The following ZNF366 variants were observed in gnomAD, a reference collection of about 807,000 sequenced individuals.
ZNF366 encodes zinc finger protein 366.
In ZNF366, 20 loss-of-function variants were observed where a neutral mutation model predicts 47.2. The observed-to-expected ratio is 0.42, with a 90% CI of 0.30 to 0.62. The LOEUF is 0.62. Among genes scored for constraint, ZNF366 ranks in the 20% least tolerant of loss-of-function variants. The pLI is 0.16. For missense variants in ZNF366, 987 were observed against 976.3 expected, an observed-to-expected ratio of 1.01 and a Z score of -0.15; for synonymous variants, 421 against 395.1, an observed-to-expected ratio of 1.07 and a Z score of -0.78.
intron 1 of ZNF366, among the ~76,000 whole-genome samples, chr5:72,464,232 T>G (rs1743388107): frequency 6.6e-6 from 1 of 152,216 alleles, no homozygotes; most frequent in African/African-American, 2.4e-5. Context: ...ATTAAGAAGT[T>G]ACTTCTTCTT....
intron 1 of ZNF366, among the ~76,000 whole-genome samples, chr5:72,495,197 A>C (rs1744088093): frequency 6.6e-6 from 1 of 152,138 alleles, no homozygotes; most frequent in African/African-American, 2.4e-5. Flanking sequence ...GTTAACTTAC[A>C]CGCCTTTCTT....
chr5:72,497,166 G>A (rs559967219), intron 1 of ZNF366, among the ~76,000 whole-genome samples: 1 of 152,112 alleles, frequency 6.6e-6, no homozygotes, highest in Non-Finnish European at 1.5e-5. Flanking sequence ...ATTTATTAAT[G>A]TTTTCATGTA....
intron 1 of ZNF366, among the ~76,000 whole-genome samples, chr5:72,495,686 C>T (rs565734956): frequency 1.3e-5 from 2 of 152,298 alleles, no homozygotes; most frequent in East Asian, 1.9e-4. Context: ...GAGAGATGCT[C>T]ATCCTTAAAG....
At position 72,460,502 on chromosome 5, in the gene ZNF366, C is replaced by T. The variant is rs746805469; in HGVS notation, c.995G>A (p.Ser332Asn). The T allele has an allele frequency of 5.0e-6, 8 of 1,613,898 alleles. No individual in the cohort carries two copies. Among genetic ancestry groups the T allele is most frequent in the Non-Finnish European group, 6.8e-6 (8 of 1,179,994 alleles). Reference sequence around the variant, plus strand: ...GCGGCAGTTGTGCGGCTTCACCTCGCTGTGCTGCATCATGTGGCGCTTCAG... The same window carrying T: ...GCGGCAGTTGTGCGGCTTCACCTCGTTGTGCTGCATCATGTGGCGCTTCAG... ...SHLKRHMMQHSEVKPHNCRVC... is the reference protein window; with the variant it reads ...SHLKRHMMQHNEVKPHNCRVC... Residue 332 changes from serine (S) to asparagine (N), a missense_variant, in exon 2 of 5, where the codon AGC becomes AAC. By Grantham distance (46) the Ser-to-Asn change is conservative (BLOSUM62 1). Coordinates refer to ENST00000318442, the MANE Select transcript of ZNF366 (RefSeq NM_152625.3).
intron 1 of ZNF366, chr5:72,493,542 AAAATGTTCT>A (rs1302410774): frequency 6.6e-6 from 1 of 152,218 alleles, no homozygotes; most frequent in Non-Finnish European, 1.5e-5. Flanking sequence ...TTGAAGAATA[AAAATGTTCT>A]TTGCTGTCAG....
At chr5:72,486,721 G>A (rs1743898351) in intron 1 of ZNF366, among the ~76,000 whole-genome samples, 1 of 152,074 alleles carries the variant, frequency 6.6e-6, no homozygotes, top group African/African-American at 2.4e-5. Flanking sequence ...CCAAGCCAAT[G>A]CTGTAATGGT....
intron 1 of ZNF366, among the ~76,000 whole-genome samples, chr5:72,473,706 C>T (rs962160346): frequency 1.3e-5 from 2 of 152,194 alleles, no homozygotes; most frequent in African/African-American, 4.8e-5. Context: ...TGTTTCAAAT[C>T]CTATGACATT....
rs186183926 is a variant in ZNF366 at position 72,442,303 on chromosome 5, G to A, written c.*1453C>T. ...CACAGAAATGGTGAGTTCTATTTTA[G>A]TCCCCTCAATCTTCTCAATCTTGGC... On this transcript the variant is annotated 3_prime_UTR_variant, in exon 5 of 5. Coordinates refer to ENST00000318442, the MANE Select transcript of ZNF366 (RefSeq NM_152625.3). 1 of 152,268 alleles carries A rather than the reference G, an allele frequency of 6.6e-6. No homozygotes were observed. The highest frequency in any genetic ancestry group is 6.5e-5 in the Admixed American group (1 of 15,286). The allele number at this position is 152,268 out of a possible 1,614,324, so 9.4% of individuals were successfully genotyped here.
At chr5:72,451,894 C>T (rs948005054) in intron 3 of ZNF366, among the ~76,000 whole-genome samples, 2 of 152,202 alleles carry the variant, frequency 1.3e-5, no homozygotes, top group African/African-American at 4.8e-5. Flanking sequence ...CTCCTCGTCC[C>T]GGCCTCCTGG....
At chr5:72,473,338 A>G (rs1349971021) in intron 1 of ZNF366, among the ~76,000 whole-genome samples, 1 of 152,198 alleles carries the variant, frequency 6.6e-6, no homozygotes, top group Non-Finnish European at 1.5e-5. Flanking sequence ...TATTTGAGAA[A>G]ATGAATCCTT....
In ZNF366 at chr5:72,461,457, G is replaced by A; in HGVS notation, c.40C>T (p.His14Tyr). The part of the protein sequence containing the change: ...EMKMIKDEDV[H>Y]FDLAVKKTPS... ...GTCTTCTTCACAGCCAAGTCGAAAT[G>A]CACATCCTCGTCTTTGATCATCTTC... The change falls in exon 2 of 5, where the codon CAT becomes TAT. Residue 14 changes from histidine (H) to tyrosine (Y), a missense_variant. Transcript: ENST00000318442. The A allele has an allele frequency of 1.1e-5, 17 of 1,589,664 alleles. No homozygotes were observed. The highest frequency in any genetic ancestry group is 1.5e-5 in the Non-Finnish European group (17 of 1,164,620).
At position 72,447,432 on chromosome 5, in the gene ZNF366, G is replaced by T. The variant is rs749112515; in HGVS notation, c.1525-15C>A. ...TTCCCACAAAGCTGTTGAAGATGGG[G>T]ATGAGAACACAGGTTACTCTGCCCG... On this transcript the variant is annotated splice_polypyrimidine_tract_variant and intron_variant, in intron 3 of 4. Transcript: ENST00000318442. 1 of 1,613,820 alleles carries T rather than the reference G, an allele frequency of 6.2e-7. No homozygotes were observed. The highest frequency in any genetic ancestry group is 8.5e-7 in the Non-Finnish European group (1 of 1,179,930).
chr5:72,474,652 G>GCACACA (rs60932161), intron 1 of ZNF366, among the ~76,000 whole-genome samples: 9 of 147,072 alleles, frequency 6.1e-5, no homozygotes, highest in African/African-American at 2.0e-4. Context: ...GTACACCCAT[G>GCACACA]CACACACACA....
chr5:72,476,423 G>A (rs1408201612), intron 1 of ZNF366, among the ~76,000 whole-genome samples: 1 of 152,156 alleles, frequency 6.6e-6, no homozygotes, highest in Non-Finnish European at 1.5e-5. Context: ...TCTGTTCGAT[G>A]TAAATGGAAG....
chr5:72,493,062 C>T (rs1195963772), intron 1 of ZNF366, among the ~76,000 whole-genome samples: 1 of 152,202 alleles, frequency 6.6e-6, no homozygotes, highest in Non-Finnish European at 1.5e-5. Flanking sequence ...ACAAAAGCAA[C>T]TGTCTTAATT....
At position 72,461,290 on chromosome 5, in the gene ZNF366, C is replaced by T. The variant is rs1190776009; in HGVS notation, c.207G>A (p.Gly69=). The change falls in exon 2 of 5, where the codon GGG becomes GGA. Residue 69 remains glycine, a synonymous_variant. Coordinates refer to ENST00000318442, the MANE Select transcript of ZNF366 (RefSeq NM_152625.3). ...PPPGDLDGFP[G]VFEGAGSRKR... ...TCCTAGACCCTGCTCCTTCGAAGAC[C>T]CCGGGGAACCCATCTAGGTCTCCTG... The T allele has an allele frequency of 3.1e-6, 5 of 1,614,030 alleles. No homozygotes were observed. The highest frequency in any genetic ancestry group is 4.2e-6 in the Non-Finnish European group (5 of 1,180,016).
At chr5:72,466,077 T>C (rs1004191232) in intron 1 of ZNF366, among the ~76,000 whole-genome samples, 1 of 152,214 alleles carries the variant, frequency 6.6e-6, no homozygotes, top group Non-Finnish European at 1.5e-5. Flanking sequence ...GTCTGTTTTC[T>C]AAGCTGAAGC....
rs1742896803 is a variant in ZNF366 at position 72,443,533 on chromosome 5, TA to T, written c.*222del. On this transcript the variant is annotated 3_prime_UTR_variant, in exon 5 of 5. Transcript: ENST00000318442. ...CACAGTTTATTATACTGGCAATGCA[TA>T]AAACGCCACTGATGAAGACCCTGCA... 2.0e-6 allele frequency: 1 copy of T among 510,118 alleles called. No individual in the cohort carries two copies. Among genetic ancestry groups the T allele is most frequent in the Non-Finnish European group, 3.4e-6 (1 of 290,702 alleles). 31.6% of individuals were successfully genotyped at this position (510,118 alleles called of 1,614,324 possible).
chr5:72,502,560 T>C (rs1026218973), intron 1 of ZNF366, among the ~76,000 whole-genome samples: 1 of 152,206 alleles, frequency 6.6e-6, no homozygotes, highest in African/African-American at 2.4e-5. Context: ...AATTGAAGCA[T>C]ACAATATGAC....
Sources: allele counts gnomAD v4.1 joint callset (sites outside exome capture counted in the v4.1 genomes callset), GRCh38; gene constraint gnomAD v4.1.1; transcripts MANE v1.5; gene names NCBI Gene and HGNC (gene_info 2026-07-23, HGNC 2026-07-21).